The following ATP10B variants were observed in gnomAD, a reference collection of about 807,000 sequenced individuals.
The protein encoded by ATP10B is ATPase phospholipid transporting 10B (putative).
In ATP10B, 122 loss-of-function variants were observed where a neutral mutation model predicts 141.2. The ratio of observed to expected loss-of-function variants is 0.86; its 90% confidence interval spans 0.75 to 1.00. The LOEUF is 1.00. Ranked by LOEUF, ATP10B falls within the 50% of genes least tolerant of loss-of-function variation. The pLI is 0.00. For synonymous variants in ATP10B, 685 were observed against 692.0 expected, an observed-to-expected ratio of 0.99 and a Z score of 0.16; for missense variants, 1,876 against 1,825.3, an observed-to-expected ratio of 1.03 and a Z score of -0.51.
intron 7 of ATP10B, among the ~76,000 whole-genome samples, chr5:160,662,386 C>T (rs1490621253): frequency 2.0e-5 from 3 of 151,894 alleles, no homozygotes; most frequent in Admixed American, 6.6e-5. Flanking sequence ...TGCTACCTGA[C>T]TTCAAACTAT....
In ATP10B at chr5:160,783,465, T is replaced by C. The variant is rs1341187207; in HGVS notation, c.-331+2094A>G. On this transcript the variant is annotated intron_variant, in intron 2 of 25. Transcript: ENST00000327245. ...CCATCACATATATATATATATATCA[T>C]ATATATATTCCATCATATATATGAT... Among the ~76,000 whole-genome samples the C allele has an allele frequency of 2.8e-5, 4 of 141,456 alleles. No individual in the cohort carries two copies. In the Admixed American group the frequency reaches 2.9e-4, roughly 10 times the overall value. 92.8% of individuals were successfully genotyped at this position (141,456 alleles called of 152,430 possible).
At chr5:160,571,053 A>C in intron 24 of ATP10B, among the ~76,000 whole-genome samples, 1 of 152,136 alleles carries the variant, frequency 6.6e-6, no homozygotes, top group South Asian at 2.1e-4. Flanking sequence ...CAGAGTAAGT[A>C]TGAATTTCTT....
chr5:160,855,374 G>A (rs1284365776), upstream of ATP10B, among the ~76,000 whole-genome samples: 2 of 151,766 alleles, frequency 1.3e-5, no homozygotes, highest in Admixed American at 1.3e-4. Context: ...TTTCCTAATG[G>A]ATAATGATGT....
At chr5:160,771,106 C>G (rs1769870078) in intron 2 of ATP10B, among the ~76,000 whole-genome samples, 1 of 152,170 alleles carries the variant, frequency 6.6e-6, no homozygotes, top group South Asian at 2.1e-4. Flanking sequence ...TATCACAATA[C>G]CCTCAGAAGT....
chr5:160,576,695 T>A (rs751576083), intron 24 of ATP10B, among the ~76,000 whole-genome samples: 7 of 151,974 alleles, frequency 4.6e-5, no homozygotes, highest in African/African-American at 9.7e-5. Flanking sequence ...CCAGAGGAAA[T>A]GGGAGAGAAA....
rs140341970 is a variant in ATP10B at position 160,565,864 on chromosome 5, C to T, written c.3975G>A (p.Lys1325=). Reference sequence around the variant, plus strand: ...TTTTCTGAGCTTTTGAGATTAGAGACTTCCCACAAGTTCCTTGCAGAGACA... The same window carrying T: ...TTTTCTGAGCTTTTGAGATTAGAGATTTCCCACAAGTTCCTTGCAGAGACA... ...FFLSLQGTCG[K]SLISKAQKID... Residue 1325 remains lysine, a synonymous_variant, in exon 26 of 26, where the codon AAG becomes AAA. Transcript: ENST00000327245. The T allele has an allele frequency of 4.3e-6, 7 of 1,613,514 alleles. No homozygotes were observed. The African/African-American group carries it at 9.3e-5, about 22-fold the overall frequency.
chr5:160,676,484 T>C (rs1763036550), intron 6 of ATP10B, among the ~76,000 whole-genome samples: 1 of 152,190 alleles, frequency 6.6e-6, no homozygotes, highest in South Asian at 2.1e-4. Flanking sequence ...CCATCCTATT[T>C]CCTAATTGTC....
intron 17 of ATP10B, 135 bp downstream of exon 17, chr5:160,615,703 C>T: frequency 1.7e-6 from 2 of 1,152,906 alleles, no homozygotes; most frequent in Non-Finnish European, 1.2e-6. Flanking sequence ...CCCATTTGTG[C>T]CAAATACCTG....
intron 6 of ATP10B, among the ~76,000 whole-genome samples, chr5:160,672,165 TG>T (rs1436394475): frequency 2.6e-5 from 4 of 151,798 alleles, no homozygotes; most frequent in Admixed American, 1.3e-4. Context: ...TTAGTAGAGA[TG>T]GGGTTTCACC....
intron 7 of ATP10B, among the ~76,000 whole-genome samples, chr5:160,661,279 A>G (rs1442696767): frequency 1.3e-5 from 2 of 152,220 alleles, no homozygotes; most frequent in Non-Finnish European, 2.9e-5. Context: ...AAAACTATGC[A>G]TTAAAAAGAG....
the ATP10B span, among the ~76,000 whole-genome samples, chr5:160,896,965 A>G: frequency 2.0e-5 from 3 of 152,238 alleles, no homozygotes; most frequent in Non-Finnish European, 2.9e-5. Context: ...CAATAGATGC[A>G]GAAAATGCCT....
chr5:160,595,383 T>A (rs1412365418), intron 22 of ATP10B, among the ~76,000 whole-genome samples: 2 of 151,980 alleles, frequency 1.3e-5, no homozygotes, highest in African/African-American at 4.8e-5. Context: ...CTGGGACACA[T>A]TTAAAGCAGT....
At chr5:160,739,688 G>A (rs1489651880) in intron 2 of ATP10B, among the ~76,000 whole-genome samples, 1 of 152,160 alleles carries the variant, frequency 6.6e-6, no homozygotes, top group African/African-American at 2.4e-5. Context: ...AGATATGAAT[G>A]GCTATGATTC....
chr5:160,649,690 T>C (rs188167746), intron 7 of ATP10B, among the ~76,000 whole-genome samples: 18 of 152,342 alleles, frequency 1.2e-4, no homozygotes, highest in Non-Finnish European at 2.1e-4. Context: ...CTTAAATAGC[T>C]ACATGTGGCT....
intron 24 of ATP10B, among the ~76,000 whole-genome samples, chr5:160,579,093 G>T (rs1177338578): frequency 1.3e-5 from 2 of 152,186 alleles, no homozygotes; most frequent in African/African-American, 2.4e-5. Context: ...CAGATGGATA[G>T]ATTGCAAAAA....
At chr5:160,905,484 A>G in the ATP10B span, among the ~76,000 whole-genome samples, 1 of 152,236 alleles carries the variant, frequency 6.6e-6, no homozygotes, top group Non-Finnish European at 1.5e-5. Context: ...AACAGCAAGC[A>G]TAGCCTAGTG....
At chr5:160,828,490 A>G (rs1350694587) in intron 1 of ATP10B, among the ~76,000 whole-genome samples, 1 of 152,166 alleles carries the variant, frequency 6.6e-6, no homozygotes, top group Non-Finnish European at 1.5e-5. Context: ...AGAAATGCAA[A>G]TCAAAACCAC....
intron 1 of ATP10B, among the ~76,000 whole-genome samples, chr5:160,834,051 A>T (rs1203299044): frequency 6.6e-6 from 1 of 152,152 alleles, no homozygotes; most frequent in East Asian, 1.9e-4. Context: ...AAGGCTGTGC[A>T]TGGTGGCTCA....
intron 2 of ATP10B, among the ~76,000 whole-genome samples, chr5:160,728,100 C>CTT (rs55998115): frequency 4.8e-5 from 7 of 145,870 alleles, no homozygotes; most frequent in South Asian, 2.1e-4. Context: ...TCTTCCTTTA[C>CTT]TTTTTTTTTC....
Sources: allele counts gnomAD v4.1 joint callset (sites outside exome capture counted in the v4.1 genomes callset), GRCh38; gene constraint gnomAD v4.1.1; transcripts MANE v1.5; gene names NCBI Gene and HGNC (gene_info 2026-07-23, HGNC 2026-07-21).